Variants in PTPRD observed in about 807,000 individuals in gnomAD.
The protein encoded by PTPRD is receptor-type tyrosine-protein phosphatase delta.
A neutral mutation model predicts 214.5 loss-of-function variants in PTPRD; 34 were observed. The ratio of observed to expected loss-of-function variants is 0.16; its 90% CI spans 0.12 to 0.21. PTPRD has a LOEUF of 0.21. Among genes scored for constraint, PTPRD ranks in the 10% least tolerant of loss-of-function variants. PTPRD has a pLI of 1.00. For missense variants in PTPRD, 2,545 were observed against 2,398.7 expected, an observed-to-expected ratio of 1.06 and a Z score of -1.27; for synonymous variants, 1,128 against 845.7, an observed-to-expected ratio of 1.33 and a Z score of -5.79.
chr9:8,650,218 G>A (rs932653187), intron 12 of PTPRD, among the ~76,000 whole-genome samples: 1 of 151,854 alleles, frequency 6.6e-6, no homozygotes, highest in African/African-American at 2.4e-5. Flanking sequence ...ACTCAGCAAG[G>A]GCAACTTATT....
chr9:8,978,729 G>C (rs895497980), intron 11 of PTPRD, among the ~76,000 whole-genome samples: 4 of 152,132 alleles, frequency 2.6e-5, no homozygotes, highest in Non-Finnish European at 4.4e-5. Context: ...TGGAGGGAGA[G>C]ACACAAGGAA....
chr9:9,573,508 T>A (rs1327977411), intron 8 of PTPRD, among the ~76,000 whole-genome samples: 9 of 151,660 alleles, frequency 5.9e-5, no homozygotes, highest in Admixed American at 5.9e-4. Context: ...TATAAGTAAT[T>A]TTCTCTATGT....
chr9:8,330,104 C>CACGGCTTCCCTT (rs1838456072), intron 44 of PTPRD, among the ~76,000 whole-genome samples: 1 of 152,112 alleles, frequency 6.6e-6, no homozygotes. Flanking sequence ...TACAGTCTCT[C>CACGGCTTCCCTT]ACGGCTTCCC....
chr9:10,122,954 G>A (rs1408749444), intron 3 of PTPRD, among the ~76,000 whole-genome samples: 2 of 152,222 alleles, frequency 1.3e-5, no homozygotes, highest in Admixed American at 1.3e-4. Flanking sequence ...AGGCAGAGCT[G>A]CCTTTAAGCG....
At chr9:9,831,314 C>T (rs1040631180) in intron 5 of PTPRD, among the ~76,000 whole-genome samples, 1 of 151,936 alleles carries the variant, frequency 6.6e-6, no homozygotes, top group Non-Finnish European at 1.5e-5. Flanking sequence ...CTTTTAGCCT[C>T]AGGCTGAGGT....
At chr9:8,508,585 AAG>A (rs34335707) in intron 21 of PTPRD, among the ~76,000 whole-genome samples, 29,377 of 152,058 alleles carry the variant, frequency 0.19, 3,057 homozygotes, top group African/African-American at 0.26. Context: ...TAAAGAAAAA[AAG>A]AGAACAATAA....
intron 11 of PTPRD, among the ~76,000 whole-genome samples, chr9:8,931,794 T>TG (rs1458285081): frequency 1.3e-5 from 2 of 152,152 alleles, no homozygotes; most frequent in African/African-American, 2.4e-5. Context: ...TGTCTGGTCC[T>TG]GGTTTTTTTT....
At chr9:9,234,701 T>A (rs969676406) in intron 9 of PTPRD, among the ~76,000 whole-genome samples, 3 of 152,170 alleles carry the variant, frequency 2.0e-5, no homozygotes, top group Admixed American at 2.0e-4. Context: ...ATGCCTTCAG[T>A]CTCTTTGCTA....
At chr9:9,843,098 T>G (rs2058714686) in intron 5 of PTPRD, among the ~76,000 whole-genome samples, 1 of 152,120 alleles carries the variant, frequency 6.6e-6, no homozygotes, top group African/African-American at 2.4e-5. Context: ...TAAAGGATTT[T>G]GGGCTATAAT....
intron 31 of PTPRD, among the ~76,000 whole-genome samples, chr9:8,465,989 G>C (rs1431486809): frequency 1.3e-5 from 2 of 151,822 alleles, no homozygotes; most frequent in African/African-American, 4.8e-5. Flanking sequence ...ATCATAACTT[G>C]TCTAAGGAAA....
intron 11 of PTPRD, among the ~76,000 whole-genome samples, chr9:8,788,552 G>A (rs1340567851): frequency 1.3e-5 from 2 of 152,034 alleles, no homozygotes; most frequent in South Asian, 2.1e-4. Context: ...TGGGATTACA[G>A]GCATGAGCCA....
intron 6 of PTPRD, among the ~76,000 whole-genome samples, chr9:9,734,947 G>C (rs1023548292): frequency 6.6e-6 from 1 of 152,100 alleles, no homozygotes; most frequent in African/African-American, 2.4e-5. Context: ...GGGAGAAGCA[G>C]ACCAAAGTTT....
At position 8,460,502 on chromosome 9, in the gene PTPRD, C is replaced by T. The variant is rs2096366591; in HGVS notation, c.3784G>A (p.Asp1262Asn). Residue 1262 changes from aspartate (D) to asparagine (N), a missense_variant, in exon 33 of 46, where the codon GAT becomes AAT. Asp to Asn is a conservative substitution (Grantham distance 23). Coordinates refer to ENST00000381196, the MANE Select transcript of PTPRD (RefSeq NM_002839.4). ...ACCCAGATCAAGCCTTCTTCTTCAT[C>T]CGTGATTGGCTGCGGATCCAGATCC... ...SMDLDPQPIT[D>N]EEEGLIWVVG... is the part of the protein sequence containing the mutation. 2 of 1,613,420 alleles carry T rather than the reference C, an allele frequency of 1.2e-6. No homozygotes were observed. Among genetic ancestry groups the T allele is most frequent in the African/African-American group, 1.3e-5 (1 of 74,868 alleles).
At chr9:9,670,286 T>C (rs1455875533) in intron 7 of PTPRD, among the ~76,000 whole-genome samples, 1 of 152,154 alleles carries the variant, frequency 6.6e-6, no homozygotes, top group Non-Finnish European at 1.5e-5. Context: ...ATTTATGGTA[T>C]CTGGCAGAAG....
chr9:9,760,352 G>C (rs1388341632), intron 6 of PTPRD, among the ~76,000 whole-genome samples: 3 of 152,004 alleles, frequency 2.0e-5, no homozygotes, highest in Non-Finnish European at 2.9e-5. Flanking sequence ...AAATAGAAGA[G>C]TATTTATTTA....
At chr9:8,945,502 T>G (rs917866126) in intron 11 of PTPRD, among the ~76,000 whole-genome samples, 3 of 152,040 alleles carry the variant, frequency 2.0e-5, no homozygotes, top group African/African-American at 7.2e-5. Context: ...CAATTCATCT[T>G]GCTCGCTAGA....
intron 7 of PTPRD, among the ~76,000 whole-genome samples, chr9:9,602,417 G>A (rs1289594779): frequency 6.6e-6 from 1 of 151,850 alleles, no homozygotes; most frequent in Non-Finnish European, 1.5e-5. Flanking sequence ...TCTACAATGT[G>A]TTAAGTACGT....
At chr9:9,177,645 T>C (rs1184217788) in intron 10 of PTPRD, among the ~76,000 whole-genome samples, 2 of 152,092 alleles carry the variant, frequency 1.3e-5, no homozygotes, top group Non-Finnish European at 2.9e-5. Context: ...AAAATAATTA[T>C]GGTGAGCAAA....
intron 2 of PTPRD, among the ~76,000 whole-genome samples, chr9:10,415,027 C>A (rs1467471287): frequency 6.6e-6 from 1 of 151,592 alleles, no homozygotes; most frequent in Admixed American, 6.6e-5. Flanking sequence ...ATCTGTACAA[C>A]AAATTTCTGC....
Sources: gnomAD v4.1 joint callset for allele counts (sites outside exome capture counted in the v4.1 genomes callset) on GRCh38, gnomAD v4.1.1 for gene constraint, MANE v1.5 for transcripts, NCBI Gene and HGNC (gene_info 2026-07-23, HGNC 2026-07-21) for gene names.